The following TGFB2 variants were observed in gnomAD, a reference collection of about 807,000 sequenced individuals.
The protein encoded by TGFB2 is transforming growth factor beta-2 proprotein.
TGFB2 carries 13 observed loss-of-function variants against 42.7 expected under a neutral mutation model. The ratio of observed to expected loss-of-function variants is 0.30; its 90% CI spans 0.20 to 0.48. The LOEUF is 0.48. TGFB2 is among the 20% of genes least tolerant of loss of function. TGFB2 has a pLI of 0.99. For synonymous variants in TGFB2, 193 were observed against 193.6 expected, an observed-to-expected ratio of 1.00 and a Z score of 0.03; for missense variants, 390 against 517.5, an observed-to-expected ratio of 0.75 and a Z score of 2.39.
At chr1:218,409,219 C>T (rs1226633600) in intron 2 of TGFB2, among the ~76,000 whole-genome samples, 1 of 152,204 alleles carries the variant, frequency 6.6e-6, no homozygotes, top group Non-Finnish European at 1.5e-5. Flanking sequence ...CCTGATGGGC[C>T]ATGGACCTGT....
chr1:218,404,345 C>T (rs1429564630), intron 1 of TGFB2, among the ~76,000 whole-genome samples: 1 of 152,122 alleles, frequency 6.6e-6, no homozygotes, highest in Non-Finnish European at 1.5e-5. Flanking sequence ...AACTCCTGAC[C>T]TTAAGTGGTC....
intron 1 of TGFB2, among the ~76,000 whole-genome samples, chr1:218,391,547 TG>T (rs1433295400): frequency 2.6e-5 from 4 of 152,234 alleles, no homozygotes; most frequent in Non-Finnish European, 4.4e-5. Context: ...TACACAACAC[TG>T]TGCCCTGCAG....
At chr1:218,378,029 G>T (rs1442106582) in intron 1 of TGFB2, among the ~76,000 whole-genome samples, 1 of 152,126 alleles carries the variant, frequency 6.6e-6, no homozygotes, top group Non-Finnish European at 1.5e-5. Flanking sequence ...AGGCTGGAGT[G>T]CAGTGGTGCC....
In TGFB2 at chr1:218,345,681, AC is replaced by A; in HGVS notation, c.-1016del. On this transcript the variant is annotated 5_prime_UTR_variant, in exon 1 of 7. Coordinates refer to ENST00000366930, the MANE Select transcript of TGFB2 (RefSeq NM_003238.6). The stretch of plus-strand genomic sequence containing the variant: ...GGGAGTCCAAGGGAGCCCCTGCGCA[AC>A]CCCCTCAGGAATAAAACTCCCCAGC... The A allele has an allele frequency of 6.6e-6, 1 of 152,264 alleles. No homozygotes were observed. Among genetic ancestry groups the A allele is most frequent in the Non-Finnish European group, 1.5e-5 (1 of 68,280 alleles). 9.4% of individuals were successfully genotyped at this position (152,264 alleles called of 1,614,324 possible).
At chr1:218,374,412 G>A (rs555085182) in intron 1 of TGFB2, among the ~76,000 whole-genome samples, 26 of 152,238 alleles carry the variant, frequency 1.7e-4, no homozygotes, top group Non-Finnish European at 3.1e-4. Flanking sequence ...AGCACCCCAC[G>A]TATTGCTAAG....
chr1:218,433,194 G>A (rs923877441), intron 2 of TGFB2, among the ~76,000 whole-genome samples: 10 of 152,082 alleles, frequency 6.6e-5, no homozygotes, highest in Admixed American at 4.6e-4. Flanking sequence ...TCAGCCTCCC[G>A]AGTAGCTGGG....
rs193279635 is a variant in TGFB2 at position 218,430,760 on chromosome 1, T to A, written c.511-3322T>A. 3.3e-4 allele frequency among the ~76,000 whole-genome samples: 50 copies of A among 152,348 alleles called. No individual in the cohort carries two copies. In the East Asian group the frequency reaches 9.4e-3, roughly 29 times the overall value. On this transcript the variant is annotated intron_variant, in intron 2 of 6. Transcript: ENST00000366930. Reference sequence around the variant, plus strand: ...TGTGATTAGAAGGTTTTCTAGATAGTTCTGAAGCAAAATCATGAAGCTGTA... The same window carrying A: ...TGTGATTAGAAGGTTTTCTAGATAGATCTGAAGCAAAATCATGAAGCTGTA...
intron 2 of TGFB2, among the ~76,000 whole-genome samples, chr1:218,428,553 T>C (rs1259374421): frequency 9.6e-5 from 14 of 146,112 alleles, no homozygotes; most frequent in Non-Finnish European, 1.5e-4. Context: ...TTTCTACATA[T>C]GGCTAGCCAG....
chr1:218,386,443 C>T (rs1658140880), intron 1 of TGFB2, among the ~76,000 whole-genome samples: 2 of 152,198 alleles, frequency 1.3e-5, no homozygotes, highest in African/African-American at 4.8e-5. Context: ...GTAGGCACTG[C>T]TCCTAGAAAA....
chr1:218,371,279 C>A (rs11466378), intron 1 of TGFB2, among the ~76,000 whole-genome samples: 18 of 151,966 alleles, frequency 1.2e-4, no homozygotes, highest in Admixed American at 6.6e-5. Context: ...CCAGCCTGGG[C>A]GATAGAGGGG....
chr1:218,389,879 C>T (rs552980612), intron 1 of TGFB2, among the ~76,000 whole-genome samples: 4 of 152,298 alleles, frequency 2.6e-5, no homozygotes, highest in South Asian at 4.1e-4. Context: ...TCTTCAGTGA[C>T]ATCACTGAGG....
At position 218,443,083 on chromosome 1, in the gene TGFB2, A is replaced by T. The variant is rs1466144606; in HGVS notation, c.*1721A>T. The T allele has an allele frequency of 6.6e-6, 1 of 152,216 alleles. No homozygotes were observed. The highest frequency in any genetic ancestry group is 2.4e-5 in the African/African-American group (1 of 41,468). The allele number at this position is 152,216 out of a possible 1,614,324, so 9.4% of individuals were successfully genotyped here. A position where few individuals can be genotyped will look rare whatever the true frequency, so the allele number is the denominator to read the frequency against. On this transcript the variant is annotated 3_prime_UTR_variant, in exon 7 of 7. Transcript: ENST00000366930. ...TCATTTTGTGTATTTCACTGAAGTT[A>T]TAAGGTTTTTATAAATGTTCTTTGA...
Position 218,347,160 on chromosome 1 carries a change from T to C in TGFB2, c.346+113T>C, listed in dbSNP as rs534799207. The stretch of plus-strand genomic sequence containing the variant: ...CTCTCGCGGTTCCCGTTCGCTCTTT[T>C]CCCGTTCTCCTGTCCTTCACCCCAC... On this transcript the variant is annotated intron_variant, in intron 1 of 6. Coordinates refer to ENST00000366930, the MANE Select transcript of TGFB2 (RefSeq NM_003238.6). 5.3e-5 allele frequency: 49 copies of C among 928,450 alleles called. No individual in the cohort carries two copies. In the East Asian group the frequency reaches 1.1e-3, roughly 22 times the overall value. The allele number at this position is 928,450 out of a possible 1,614,324, so 57.5% of individuals were successfully genotyped here.
chr1:218,374,888 A>G (rs1657690544), intron 1 of TGFB2, among the ~76,000 whole-genome samples: 1 of 152,156 alleles, frequency 6.6e-6, no homozygotes, highest in African/African-American at 2.4e-5. Context: ...CAGACAGCAC[A>G]AGTATTTTTA....
chr1:218,434,599 T>C (rs1201549279), intron 4 of TGFB2, 151 bp downstream of exon 4: 6 of 612,128 alleles, frequency 9.8e-6, no homozygotes, highest in South Asian at 4.0e-5. Context: ...GATATACATA[T>C]GTGAAGGGAG....
chr1:218,352,303 C>T (rs1485276281), intron 1 of TGFB2, among the ~76,000 whole-genome samples: 1 of 152,170 alleles, frequency 6.6e-6, no homozygotes, highest in Non-Finnish European at 1.5e-5. Flanking sequence ...TCTATTTAGG[C>T]AGCGCTTCTG....
chr1:218,391,482 T>C (rs1658314785), intron 1 of TGFB2, among the ~76,000 whole-genome samples: 1 of 152,236 alleles, frequency 6.6e-6, no homozygotes, highest in Admixed American at 6.5e-5. Context: ...CCTTTGTTCC[T>C]TATCTGTGAG....
chr1:218,434,612 A>G (rs1220616237), intron 4 of TGFB2, among the ~76,000 whole-genome samples, 164 bp downstream of exon 4: 1 of 152,182 alleles, frequency 6.6e-6, no homozygotes, highest in African/African-American at 2.4e-5. Context: ...GAAGGGAGAA[A>G]GGATTGGAAG....
chr1:218,434,483 G>A (rs1178785470), intron 4 of TGFB2, 35 bp downstream of exon 4: 4 of 1,326,326 alleles, frequency 3.0e-6, no homozygotes, highest in Middle Eastern at 1.8e-4. Flanking sequence ...GTGGGGGAGG[G>A]AAGGGTCTAT....
Sources: gnomAD v4.1 joint callset for allele counts (sites outside exome capture counted in the v4.1 genomes callset) on GRCh38, gnomAD v4.1.1 for gene constraint, MANE v1.5 for transcripts, NCBI Gene and HGNC (gene_info 2026-07-23, HGNC 2026-07-21) for gene names.